HCN1: variants seen among roughly 807,000 people sequenced by gnomAD.
HCN1 encodes potassium/sodium hyperpolarization-activated cyclic nucleotide-gated channel 1.
Under a neutral mutation model 78.9 loss-of-function variants are expected in HCN1, and 13 were observed. The observed-to-expected ratio is 0.16, with a 90% CI of 0.11 to 0.26. The LOEUF is 0.26. Among genes scored for constraint, HCN1 ranks in the 10% least tolerant of loss-of-function variants. The pLI, the probability that HCN1 is intolerant of heterozygous loss-of-function variation, is 1.00. For synonymous variants in HCN1, 552 were observed against 455.5 expected (o/e 1.21, Z -2.70); for missense variants, 810 against 1,154.3 (o/e 0.70, Z 4.32).
chr5:45,408,228 T>C (rs1413125750), intron 3 of HCN1, among the ~76,000 whole-genome samples: 2 of 152,298 alleles, frequency 1.3e-5, no homozygotes, highest in East Asian at 3.9e-4. Context: ...GTTTATAAAG[T>C]CTACAGTAGT....
chr5:45,594,443 T>C (rs1744443580), intron 2 of HCN1, among the ~76,000 whole-genome samples: 1 of 152,114 alleles, frequency 6.6e-6, no homozygotes, highest in South Asian at 2.1e-4. Context: ...CAGTCCTTGC[T>C]CAAAATGTTC....
chr5:45,396,371 T>C (rs908176881), intron 4 of HCN1, 121 bp downstream of exon 4: 2 of 823,204 alleles, frequency 2.4e-6, no homozygotes, highest in Non-Finnish European at 4.0e-6. Flanking sequence ...TGTTTTTACT[T>C]TAAACATTTT....
At chr5:45,378,522 CT>C (rs1223212295) in intron 4 of HCN1, among the ~76,000 whole-genome samples, 5 of 152,096 alleles carry the variant, frequency 3.3e-5, no homozygotes, top group Non-Finnish European at 5.9e-5. Flanking sequence ...TTAAGCACCC[CT>C]ATCTCCATGT....
chr5:45,482,298 C>A (rs889269279), intron 2 of HCN1, among the ~76,000 whole-genome samples: 3 of 152,110 alleles, frequency 2.0e-5, no homozygotes, highest in African/African-American at 7.2e-5. Context: ...GGGCTTCATG[C>A]CCTCAACTCA....
At chr5:45,263,288 T>C (rs1744786504) in intron 7 of HCN1, among the ~76,000 whole-genome samples, 1 of 152,116 alleles carries the variant, frequency 6.6e-6, no homozygotes, top group Non-Finnish European at 1.5e-5. Flanking sequence ...GATAGGTGTG[T>C]TCATAATCTC....
intron 3 of HCN1, among the ~76,000 whole-genome samples, chr5:45,421,666 T>C (rs1032247166): frequency 1.3e-5 from 2 of 152,220 alleles, no homozygotes; most frequent in East Asian, 1.9e-4. Context: ...AACTGAAATA[T>C]ACAGATTTCA....
chr5:45,396,551 C>T lies in HCN1; in HGVS notation c.1171G>A (p.Gly391Ser), dbSNP rs1561139569. 1 of 1,613,716 alleles carries T rather than the reference C, an allele frequency of 6.2e-7. No homozygotes were observed. The highest frequency in any genetic ancestry group is 8.5e-7 in the Non-Finnish European group (1 of 1,179,862). The change falls in exon 4 of 8, where the codon GGC (glycine) becomes AGC (serine). Residue 391 changes from glycine (G) to serine (S), a missense_variant. Coordinates refer to ENST00000303230, the MANE Select transcript of HCN1 (RefSeq NM_021072.4). ...GACTGGATTAAAGCGGTGGCATGGC[C>T]GACAAACATGGCATAGCAGGTGGCC... ...VGATCYAMFVGHATALIQSLD... is the reference protein window; with the variant it reads ...VGATCYAMFVSHATALIQSLD...
At chr5:45,387,486 A>G (rs1228305585) in intron 4 of HCN1, among the ~76,000 whole-genome samples, 1 of 152,104 alleles carries the variant, frequency 6.6e-6, no homozygotes, top group Non-Finnish European at 1.5e-5. Context: ...TAACAGTGAT[A>G]TCTTTGTTAA....
At chr5:45,296,209 T>C (rs1307223991) in intron 6 of HCN1, among the ~76,000 whole-genome samples, 1 of 152,018 alleles carries the variant, frequency 6.6e-6, no homozygotes, top group Non-Finnish European at 1.5e-5. Context: ...TTCTCATTTT[T>C]ACATGGAACA....
chr5:45,649,433 G>C (rs1198424965), intron 1 of HCN1, among the ~76,000 whole-genome samples: 1 of 152,018 alleles, frequency 6.6e-6, no homozygotes, highest in Non-Finnish European at 1.5e-5. Flanking sequence ...TTATCAACCA[G>C]AGCCCACAGT....
At chr5:45,503,763 C>T (rs1000755623) in intron 2 of HCN1, among the ~76,000 whole-genome samples, 1 of 151,540 alleles carries the variant, frequency 6.6e-6, no homozygotes, top group Non-Finnish European at 1.5e-5. Flanking sequence ...CCCCTCCCCC[C>T]ACGCCAACAC....
At position 45,396,427 on chromosome 5, in the gene HCN1, C is replaced by T. The variant is rs1458133222; in HGVS notation, c.1230+65G>A. 5 of 1,250,972 alleles carry T rather than the reference C, an allele frequency of 4.0e-6. No individual in the cohort carries two copies. The South Asian group carries it at 6.3e-5, about 16-fold the overall frequency. 77.5% of individuals were successfully genotyped at this position (1,250,972 alleles called of 1,614,324 possible). On this transcript the variant is annotated intron_variant, in intron 4 of 7. Transcript: ENST00000303230. ...GAGGAGATGGTGTAGTTATCTTGAA[C>T]ACAATTCAATTTACTGGTTCAGGTT...
At chr5:45,693,321 G>GACTGGAGAC (rs1739949720) in intron 1 of HCN1, among the ~76,000 whole-genome samples, 33 of 151,790 alleles carry the variant, frequency 2.2e-4, no homozygotes, top group African/African-American at 8.0e-4. Flanking sequence ...TATTTTTGCA[G>GACTGGAGAC]TTTGTTTTAG....
intron 4 of HCN1, among the ~76,000 whole-genome samples, chr5:45,385,386 G>C (rs1747891057): frequency 6.6e-6 from 1 of 151,924 alleles, no homozygotes; most frequent in African/African-American, 2.4e-5. Flanking sequence ...AAATTGATTT[G>C]TAAATTTAAT....
At chr5:45,630,669 T>G (rs1745255151) in intron 2 of HCN1, among the ~76,000 whole-genome samples, 1 of 152,176 alleles carries the variant, frequency 6.6e-6, no homozygotes, top group Admixed American at 6.6e-5. Context: ...GTCTTTTTAC[T>G]TAAGGAATTT....
At chr5:45,636,454 C>A (rs575557340) in intron 2 of HCN1, among the ~76,000 whole-genome samples, 7 of 152,130 alleles carry the variant, frequency 4.6e-5, no homozygotes, top group African/African-American at 1.7e-4. Flanking sequence ...GACATCTATT[C>A]GGAAACTGGA....
chr5:45,374,176 T>C (rs1272419209), intron 4 of HCN1, among the ~76,000 whole-genome samples: 1 of 121,440 alleles, frequency 8.2e-6, no homozygotes, highest in African/African-American at 3.1e-5. Context: ...ACATAATATA[T>C]ATTATATATT....
At chr5:45,403,268 G>T (rs1739859398) in intron 3 of HCN1, among the ~76,000 whole-genome samples, 1 of 152,102 alleles carries the variant, frequency 6.6e-6, no homozygotes, top group Non-Finnish European at 1.5e-5. Flanking sequence ...GTAGAGGAAT[G>T]ACATCCTAAC....
chr5:45,581,804 CAA>C (rs944058496), intron 2 of HCN1, among the ~76,000 whole-genome samples: 1 of 152,148 alleles, frequency 6.6e-6, no homozygotes, highest in African/African-American at 2.4e-5. Flanking sequence ...TTGTTTTTGT[CAA>C]GTTTGTCAAA....
Sources: allele counts gnomAD v4.1 joint callset (sites outside exome capture counted in the v4.1 genomes callset), GRCh38; gene constraint gnomAD v4.1.1; transcripts MANE v1.5; gene names NCBI Gene and HGNC (gene_info 2026-07-23, HGNC 2026-07-21).